ANO1: variants seen among roughly 807,000 people sequenced by gnomAD.
The protein encoded by ANO1 is anoctamin-1.
In ANO1, 59 loss-of-function variants were observed where a neutral mutation model predicts 124.0. The ratio of observed to expected loss-of-function variants is 0.48; its 90% CI spans 0.39 to 0.59. The LOEUF is 0.59. Among genes scored for constraint, ANO1 ranks in the 20% least tolerant of loss-of-function variants. The probability of loss-of-function intolerance (pLI) is 0.00; values close to 1 mark genes in which losing one functional copy is unlikely to be tolerated. For synonymous variants in ANO1, 529 were observed against 532.0 expected (o/e 0.99, Z 0.08); for missense variants, 1,059 against 1,328.0 (o/e 0.80, Z 3.15).
At chr11:70,117,748 A>G (rs911600309) in intron 8 of ANO1, among the ~76,000 whole-genome samples, 2 of 152,046 alleles carry the variant, frequency 1.3e-5, no homozygotes, top group African/African-American at 4.8e-5. Context: ...ACCTCACAAT[A>G]GTGGCCTTGT....
chr11:69,975,448 GA>G, the ANO1 span, among the ~76,000 whole-genome samples: 1 of 152,236 alleles, frequency 6.6e-6, no homozygotes, highest in Non-Finnish European at 1.5e-5. Flanking sequence ...TGAAGCGGGG[GA>G]TGAGGGAGCT....
chr11:70,011,162 G>A (rs573871521), intron 1 of ANO1, among the ~76,000 whole-genome samples: 45 of 152,318 alleles, frequency 3.0e-4, no homozygotes, highest in African/African-American at 1.1e-3. Context: ...GCAGAAAGGT[G>A]CAGGAAGGGT....
intron 10 of ANO1, among the ~76,000 whole-genome samples, chr11:70,127,203 C>A (rs2046558240): frequency 6.6e-6 from 1 of 152,014 alleles, no homozygotes; most frequent in Non-Finnish European, 1.5e-5. Context: ...CTAGAGGCCT[C>A]GGTGCAGGCT....
At chr11:70,116,401 A>T in intron 7 of ANO1, 57 bp from the exon 8 acceptor site, 1 of 1,495,696 alleles carries the variant, frequency 6.7e-7, no homozygotes, top group Non-Finnish European at 9.1e-7. Flanking sequence ...AATGGATGTG[A>T]GCGCCTCCAA....
chr11:70,049,727 T>TTTGTC (rs1565168802), intron 1 of ANO1, among the ~76,000 whole-genome samples: 33 of 152,042 alleles, frequency 2.2e-4, no homozygotes, highest in South Asian at 8.3e-4. Flanking sequence ...TTTGTTTTGT[T>TTTGTC]TTTGTTTTTT....
At chr11:70,114,872 T>C (rs1246836720) in intron 7 of ANO1, among the ~76,000 whole-genome samples, 2 of 152,168 alleles carry the variant, frequency 1.3e-5, no homozygotes, top group Non-Finnish European at 2.9e-5. Flanking sequence ...AAGAGTCACA[T>C]GCTCCAACTG....
At chr11:70,180,702 A>G (rs1285129582) in intron 23 of ANO1, among the ~76,000 whole-genome samples, 1 of 152,186 alleles carries the variant, frequency 6.6e-6, no homozygotes, top group Non-Finnish European at 1.5e-5. Flanking sequence ...AGACAGAGAT[A>G]GGAGGGAAGA....
At chr11:70,144,132 A>G (rs1354908414) in intron 11 of ANO1, among the ~76,000 whole-genome samples, 1 of 152,108 alleles carries the variant, frequency 6.6e-6, no homozygotes, top group Non-Finnish European at 1.5e-5. Flanking sequence ...AAATATTTAT[A>G]TTTATTTATA....
In ANO1 at chr11:70,163,694, T is replaced by C. The variant is rs1181901004; in HGVS notation, c.1950+354T>C. ...GCTCATGCCTGTAATCCCAGCACTT[T>C]GGGAGGCCGAGACTCGTGGATCACC... On this transcript the variant is annotated intron_variant, in intron 19 of 25. Coordinates refer to ENST00000355303, the MANE Select transcript of ANO1 (RefSeq NM_018043.7). 6 of 513,618 alleles carry C rather than the reference T, an allele frequency of 1.2e-5. No individual in the cohort carries two copies. The East Asian group carries it at 2.0e-4, about 17-fold the overall frequency. 31.8% of individuals were successfully genotyped at this position (513,618 alleles called of 1,614,324 possible). A position where few individuals can be genotyped will look rare whatever the true frequency, so the allele number is the denominator to read the frequency against.
Position 70,095,346 on chromosome 11 carries a change from AAAAGAAAGAAAGAAAGAAAG to A in ANO1, c.441+7326_441+7345del, listed in dbSNP as rs540551294. Among the ~76,000 whole-genome samples, 403 of 104,584 alleles carry A rather than the reference AAAAGAAAGAAAGAAAGAAAG, an allele frequency of 3.9e-3. 18 individuals are homozygous for A. Among genetic ancestry groups the A allele is most frequent in the African/African-American group, 6.4e-3 (177 of 27,526 alleles). The allele number at this position is 104,584 out of a possible 152,430, so 68.6% of individuals were successfully genotyped here. ...GAAAGAAAGAAAGGAAAGAGAAAGA[AAAAGAAAGAAAGAAAGAAAG>A]AAAGAAAGAAAGAAAGAAAGAAAGA... On this transcript the variant is annotated intron_variant, in intron 2 of 25. Transcript: ENST00000355303.
chr11:70,165,657 G>A lies in ANO1; in HGVS notation c.2051+87G>A, dbSNP rs1007261396. The stretch of plus-strand genomic sequence containing the variant: ...GGCTCCTGCGGGGGTCTGGGTGGAC[G>A]CGGGGCCTCAACCAAGATGGGGGCA... On this transcript the variant is annotated intron_variant, in intron 20 of 25. Coordinates refer to ENST00000355303, the MANE Select transcript of ANO1 (RefSeq NM_018043.7). The A allele has an allele frequency of 6.2e-5, 68 of 1,104,948 alleles. No individual in the cohort carries two copies. In the Middle Eastern group the frequency reaches 1.1e-3, roughly 17 times the overall value. The allele number at this position is 1,104,948 out of a possible 1,614,324, so 68.4% of individuals were successfully genotyped here. A position where few individuals can be genotyped will look rare whatever the true frequency, so the allele number is the denominator to read the frequency against.
Position 70,188,905 on chromosome 11 carries a change from A to G in ANO1, c.*901A>G, listed in dbSNP as rs764978445. On this transcript the variant is annotated 3_prime_UTR_variant, in exon 26 of 26. Transcript: ENST00000355303. The stretch of plus-strand genomic sequence containing the variant: ...TTTATGGGTTTTTTTTCAAATATCA[A>G]TTATATGGTAGATTGAGGATTTTTT... 1.4e-4 allele frequency: 21 copies of G among 152,220 alleles called. No homozygotes were observed. The highest frequency in any genetic ancestry group is 2.4e-4 in the Non-Finnish European group (16 of 67,976). The allele number at this position is 152,220 out of a possible 1,614,324, so 9.4% of individuals were successfully genotyped here.
chr11:69,985,030 G>T (rs149230912), upstream of ANO1, among the ~76,000 whole-genome samples: 30 of 152,288 alleles, frequency 2.0e-4, no homozygotes, highest in Non-Finnish European at 3.7e-4. Flanking sequence ...CCCTCCGTAG[G>T]GCCCACATTG....
intron 5 of ANO1, among the ~76,000 whole-genome samples, chr11:70,107,768 G>C (rs538717288): frequency 2.0e-5 from 3 of 151,966 alleles, no homozygotes; most frequent in Admixed American, 1.3e-4. Flanking sequence ...AACAAAACAC[G>C]TCACTAGTCA....
At chr11:69,985,940 G>C (rs916219349) in exon 1 of ANO1, 1 of 152,112 alleles carries the variant, frequency 6.6e-6, no homozygotes, top group Admixed American at 6.5e-5. Flanking sequence ...GCTACAGCAC[G>C]CGCGGCTTCG....
At chr11:70,184,659 G>A (rs1411834088) in intron 24 of ANO1, among the ~76,000 whole-genome samples, 1 of 152,350 alleles carries the variant, frequency 6.6e-6, no homozygotes, top group African/African-American at 2.4e-5. Flanking sequence ...GGAATGCTTA[G>A]CTTCGTTCTT....
rs1308159327 is a variant in ANO1, at chr11:70,148,647, A to T, written c.1259-1063A>T. On this transcript the variant is annotated intron_variant, in intron 11 of 25. Transcript: ENST00000355303. Reference sequence around the variant, plus strand: ...TTCCTCTGCCCCTCAGCCTCTGCTGATTTTCTTCTGCAGGGAGAAGCGTTC... The same window carrying T: ...TTCCTCTGCCCCTCAGCCTCTGCTGTTTTTCTTCTGCAGGGAGAAGCGTTC... 3.9e-5 allele frequency among the ~76,000 whole-genome samples: 6 copies of T among 152,112 alleles called. No homozygotes were observed. The East Asian group carries it at 9.7e-4, about 25-fold the overall frequency.
chr11:70,034,849 G>A (rs1857066456), intron 1 of ANO1, among the ~76,000 whole-genome samples: 1 of 152,110 alleles, frequency 6.6e-6, no homozygotes, highest in Non-Finnish European at 1.5e-5. Flanking sequence ...ACACACAGGG[G>A]CAGCCAGAGG....
intron 21 of ANO1, among the ~76,000 whole-genome samples, chr11:70,167,619 C>G (rs2048305785): frequency 6.6e-6 from 1 of 151,990 alleles, no homozygotes; most frequent in Non-Finnish European, 1.5e-5. Flanking sequence ...TTCCAGAGGC[C>G]CAGGTCAAGC....
Sources: allele counts gnomAD v4.1 joint callset (sites outside exome capture counted in the v4.1 genomes callset), GRCh38; gene constraint gnomAD v4.1.1; transcripts MANE v1.5; gene names NCBI Gene and HGNC (gene_info 2026-07-23, HGNC 2026-07-21).